PALLD: variants seen among roughly 807,000 people sequenced by gnomAD.
PALLD encodes the protein palladin, cytoskeletal associated protein.
In PALLD, 61 loss-of-function variants were observed where a neutral mutation model predicts 123.5. The ratio of observed to expected loss-of-function variants is 0.49; its 90% CI spans 0.40 to 0.61. The LOEUF (loss-of-function observed/expected upper bound fraction) is 0.61. Ranked by LOEUF, PALLD falls within the 20% of genes least tolerant of loss-of-function variation. PALLD has a pLI of 0.00. For synonymous variants in PALLD, 465 were observed against 496.4 expected (o/e 0.94, Z 0.84); for missense variants, 1,273 against 1,377.0 (o/e 0.92, Z 1.20).
intron 10 of PALLD, among the ~76,000 whole-genome samples, chr4:168,846,517 A>T (rs1424837720): frequency 3.3e-5 from 5 of 152,198 alleles, no homozygotes; most frequent in Admixed American, 6.5e-5. Flanking sequence ...GAGAGTAGGT[A>T]TGGTCTGTAA....
chr4:168,591,583 C>T (rs2149690389), intron 2 of PALLD, among the ~76,000 whole-genome samples: 1 of 152,266 alleles, frequency 6.6e-6, no homozygotes, highest in East Asian at 1.9e-4. Flanking sequence ...TCATGAAAGT[C>T]TCACCTCCAA....
chr4:168,812,305 G>C (rs989727579), intron 10 of PALLD, among the ~76,000 whole-genome samples: 1 of 152,134 alleles, frequency 6.6e-6, no homozygotes, highest in African/African-American at 2.4e-5. Context: ...GATTAGTAAG[G>C]GGTATCTAAG....
intron 3 of PALLD, among the ~76,000 whole-genome samples, chr4:168,673,171 A>C (rs777231568): frequency 6.6e-6 from 1 of 152,232 alleles, no homozygotes; most frequent in Non-Finnish European, 1.5e-5. Flanking sequence ...GCGAACAAGC[A>C]GGCCTCTGCC....
intron 2 of PALLD, among the ~76,000 whole-genome samples, chr4:168,541,217 C>T (rs2149509243): frequency 6.6e-6 from 1 of 152,290 alleles, no homozygotes; most frequent in Non-Finnish European, 1.5e-5. Flanking sequence ...GAGGTAACTG[C>T]ACTCATTCTT....
At chr4:168,811,029 A>G (rs1351340943) in intron 10 of PALLD, among the ~76,000 whole-genome samples, 1 of 152,158 alleles carries the variant, frequency 6.6e-6, no homozygotes, top group Non-Finnish European at 1.5e-5. Flanking sequence ...GCTGACGGAG[A>G]TCTCCTAGAT....
At chr4:168,599,975 A>G (rs746243506) in intron 2 of PALLD, among the ~76,000 whole-genome samples, 10 of 151,100 alleles carry the variant, frequency 6.6e-5, no homozygotes, top group South Asian at 2.1e-4. Flanking sequence ...ATACACACAC[A>G]TATATACATA....
chr4:168,926,583 C>T lies in PALLD; in HGVS notation c.*403C>T, dbSNP rs1560941761. 4.1e-6 allele frequency: 2 copies of T among 491,318 alleles called. No homozygotes were observed. The highest frequency in any genetic ancestry group is 7.2e-6 in the Non-Finnish European group (2 of 278,880). 30.4% of individuals were successfully genotyped at this position (491,318 alleles called of 1,614,324 possible). ...AATGCTAATACAAATATACACATTG[C>T]ACAGAAAATACACATTTACTGTCCA... On this transcript the variant is annotated 3_prime_UTR_variant, in exon 22 of 22. Transcript: ENST00000505667.
At chr4:168,684,428 T>G (rs2150096377) in intron 5 of PALLD, among the ~76,000 whole-genome samples, 1 of 152,318 alleles carries the variant, frequency 6.6e-6, no homozygotes, top group Admixed American at 6.5e-5. Context: ...CCAGACTCCC[T>G]GGGTTTGAAT....
chr4:168,634,609 C>A (rs984907033), intron 2 of PALLD, among the ~76,000 whole-genome samples: 1 of 152,122 alleles, frequency 6.6e-6, no homozygotes, highest in Non-Finnish European at 1.5e-5. Flanking sequence ...GTGGAGGCTC[C>A]CTCAGAGCGC....
chr4:168,865,908 C>T (rs1464722032), intron 10 of PALLD, among the ~76,000 whole-genome samples: 3 of 152,134 alleles, frequency 2.0e-5, no homozygotes, highest in Non-Finnish European at 2.9e-5. Flanking sequence ...ATTGGTGGCA[C>T]AGTCACTTCT....
At chr4:168,805,904 G>A (rs1033154368) in intron 10 of PALLD, among the ~76,000 whole-genome samples, 1 of 152,128 alleles carries the variant, frequency 6.6e-6, no homozygotes, top group African/African-American at 2.4e-5. Flanking sequence ...AATGTTCATT[G>A]TATAGTCCTT....
intron 10 of PALLD, among the ~76,000 whole-genome samples, chr4:168,815,699 C>T (rs1741797311): frequency 6.6e-6 from 1 of 152,144 alleles, no homozygotes; most frequent in South Asian, 2.1e-4. Flanking sequence ...TAGCCCAATG[C>T]CTGCCCAGTA....
intron 10 of PALLD, among the ~76,000 whole-genome samples, chr4:168,716,552 A>G (rs1785386529): frequency 6.6e-6 from 1 of 152,224 alleles, no homozygotes; most frequent in Non-Finnish European, 1.5e-5. Flanking sequence ...ACTGCATTTT[A>G]CAACCTTTGC....
chr4:168,674,583 T>TCTG (rs1270222105), intron 3 of PALLD, among the ~76,000 whole-genome samples: 1 of 152,118 alleles, frequency 6.6e-6, no homozygotes, highest in Non-Finnish European at 1.5e-5. Context: ...GCAAGATGTG[T>TCTG]CTGCTGCTGC....
intron 2 of PALLD, among the ~76,000 whole-genome samples, chr4:168,565,000 A>G: frequency 6.6e-6 from 1 of 150,596 alleles, no homozygotes; most frequent in Non-Finnish European, 1.5e-5. Flanking sequence ...AGCCTGAGCA[A>G]CATGGTGAAA....
intron 2 of PALLD, among the ~76,000 whole-genome samples, chr4:168,660,469 A>C (rs1283817630): frequency 2.0e-5 from 3 of 152,190 alleles, no homozygotes; most frequent in African/African-American, 7.2e-5. Flanking sequence ...CTTGAATTTC[A>C]ATCCAGCCAC....
chr4:168,567,196 T>C (rs1026837558), intron 2 of PALLD, among the ~76,000 whole-genome samples: 2 of 152,124 alleles, frequency 1.3e-5, no homozygotes, highest in African/African-American at 4.8e-5. Context: ...ACTAAAAAGC[T>C]TCTGCACAGC....
chr4:168,799,451 G>C (rs193189436), intron 10 of PALLD, among the ~76,000 whole-genome samples: 5 of 152,210 alleles, frequency 3.3e-5, no homozygotes, highest in Non-Finnish European at 4.4e-5. Context: ...TCTTTAAGTC[G>C]TACTGTTCCT....
chr4:168,707,650 A>G (rs572436377), intron 8 of PALLD, among the ~76,000 whole-genome samples: 15 of 152,300 alleles, frequency 9.8e-5, no homozygotes, highest in African/African-American at 3.4e-4. Context: ...GGTTCAACGG[A>G]TGGGGAAATA....
Sources: gnomAD v4.1 joint callset for allele counts (sites outside exome capture counted in the v4.1 genomes callset) on GRCh38, gnomAD v4.1.1 for gene constraint, MANE v1.5 for transcripts, NCBI Gene and HGNC (gene_info 2026-07-23, HGNC 2026-07-21) for gene names.